DLG1: variants seen among roughly 807,000 people sequenced by gnomAD.
The protein encoded by DLG1 is disks large homolog 1.
DLG1 carries 42 observed loss-of-function variants against 123.4 expected under a neutral mutation model. The ratio of observed to expected loss-of-function variants is 0.34; its 90% CI spans 0.27 to 0.44. The LOEUF (loss-of-function observed/expected upper bound fraction) is 0.44. DLG1 is among the 20% of genes least tolerant of loss of function. The probability of loss-of-function intolerance (pLI) is 1.00; values close to 1 mark genes in which losing one functional copy is unlikely to be tolerated. For missense variants in DLG1, 942 were observed against 1,082.6 expected, an observed-to-expected ratio of 0.87 and a Z score of 1.82; for synonymous variants, 317 against 356.2, an observed-to-expected ratio of 0.89 and a Z score of 1.24.
chr3:197,276,027 T>G (rs1766254320), intron 4 of DLG1, among the ~76,000 whole-genome samples: 1 of 152,032 alleles, frequency 6.6e-6, no homozygotes, highest in African/African-American at 2.4e-5. Flanking sequence ...TTTAAAAGAG[T>G]ACTATTGAAA....
intron 5 of DLG1, among the ~76,000 whole-genome samples, chr3:197,160,317 C>T (rs1029127586): frequency 2.7e-5 from 4 of 149,516 alleles, no homozygotes; most frequent in Admixed American, 2.0e-4. Flanking sequence ...ACTATTTTAA[C>T]ACCAAAAAAT....
intron 3 of DLG1, among the ~76,000 whole-genome samples, chr3:197,291,790 C>T (rs926423702): frequency 1.3e-5 from 2 of 152,164 alleles, no homozygotes; most frequent in African/African-American, 2.4e-5. Context: ...ACAGTACAAA[C>T]ACCTCATACA....
At chr3:197,280,702 G>T (rs1244505876) in intron 4 of DLG1, among the ~76,000 whole-genome samples, 1 of 152,068 alleles carries the variant, frequency 6.6e-6, no homozygotes, top group African/African-American at 2.4e-5. Flanking sequence ...TTATAATCAA[G>T]GGTATCATAA....
Position 197,296,593 on chromosome 3 carries a change from T to C in DLG1, c.20-116A>G, listed in dbSNP as rs1277838650. The C allele has an allele frequency of 1.5e-5, 13 of 872,864 alleles. 1 individual carries two copies. In the Admixed American group the frequency reaches 1.7e-4, roughly 12 times the overall value. 54.1% of individuals were successfully genotyped at this position (872,864 alleles called of 1,614,324 possible). A position where few individuals can be genotyped will look rare whatever the true frequency, so the allele number is the denominator to read the frequency against. On this transcript the variant is annotated intron_variant, in intron 2 of 24. Coordinates refer to ENST00000667157, the MANE Select transcript of DLG1 (RefSeq NM_001366207.1). ...TAGTTCCGCAAATCCTTCAGGTCAA[T>C]TGATGTCACTATGTTCATGTACACA...
chr3:197,176,065 C>G (rs1034550493), intron 5 of DLG1, among the ~76,000 whole-genome samples: 10 of 152,216 alleles, frequency 6.6e-5, no homozygotes, highest in Admixed American at 6.5e-4. Context: ...AGACACTATA[C>G]AGAAGCTACA....
chr3:197,261,524 CAA>C (rs1410453343), intron 4 of DLG1, among the ~76,000 whole-genome samples: 1 of 152,188 alleles, frequency 6.6e-6, no homozygotes, highest in Non-Finnish European at 1.5e-5. Context: ...TTTTTGTCCA[CAA>C]AGTTTCCTCA....
intron 1 of DLG1, 56 bp downstream of exon 1, chr3:197,298,480 C>T (rs1778561221): frequency 2.5e-6 from 1 of 398,744 alleles, no homozygotes; most frequent in Non-Finnish European, 4.4e-6. Context: ...CGGGAAGGCT[C>T]GGGCTGTCTG....
At chr3:197,108,497 A>G (rs778345320) in intron 13 of DLG1, among the ~76,000 whole-genome samples, 47 of 152,038 alleles carry the variant, frequency 3.1e-4, no homozygotes, top group Admixed American at 2.4e-3. Flanking sequence ...AAAATTCTCT[A>G]TTTCTTCTTG....
intron 18 of DLG1, among the ~76,000 whole-genome samples, chr3:197,071,753 A>G (rs1179441579): frequency 1.3e-5 from 2 of 152,198 alleles, no homozygotes; most frequent in Non-Finnish European, 2.9e-5. Context: ...TCTGCCATCC[A>G]CCAGAATGGC....
chr3:197,137,193 C>T (rs1785463313), intron 9 of DLG1, among the ~76,000 whole-genome samples: 1 of 152,142 alleles, frequency 6.6e-6, no homozygotes. Flanking sequence ...TTTCTCAGCT[C>T]TCCATTCCTT....
At chr3:197,266,256 T>C (rs1031069794) in intron 4 of DLG1, among the ~76,000 whole-genome samples, 2 of 151,452 alleles carry the variant, frequency 1.3e-5, no homozygotes, top group South Asian at 2.1e-4. Flanking sequence ...AGAAAAAAAA[T>C]CAATCAATAA....
intron 4 of DLG1, among the ~76,000 whole-genome samples, chr3:197,212,220 A>T (rs1469096211): frequency 2.1e-5 from 3 of 146,322 alleles, no homozygotes; most frequent in Non-Finnish European, 4.6e-5. Context: ...TAAAAGTTTT[A>T]AAAAACAAAC....
rs779459646 is a variant in DLG1 at position 197,044,727 on chromosome 3, T to C, written c.2578A>G (p.Ile860Val). The change falls in exon 25 of 25, where the codon ATT becomes GTT. Residue 860 changes from isoleucine (I) to valine (V), a missense_variant and splice_region_variant. By Grantham distance (29) the Ile-to-Val change is conservative (BLOSUM62 3). Transcript: ENST00000667157. ...EQEFTEHFTAIVQGDTLEDIY... is the reference protein window; with the variant it reads ...EQEFTEHFTAVVQGDTLEDIY... Reference sequence around the variant, plus strand: ...TCTTCCAGCGTATCCCCCTGTACAATAGCTGTAATGATAGAAACAAAATCA... The same window carrying C: ...TCTTCCAGCGTATCCCCCTGTACAACAGCTGTAATGATAGAAACAAAATCA... The C allele has an allele frequency of 6.5e-6, 10 of 1,537,876 alleles. No homozygotes were observed. The highest frequency in any genetic ancestry group is 2.8e-5 in the African/African-American group (2 of 72,180).
intron 7 of DLG1, among the ~76,000 whole-genome samples, chr3:197,142,301 C>T (rs368193395): frequency 1.5e-4 from 23 of 152,100 alleles, no homozygotes; most frequent in Admixed American, 1.2e-3. Flanking sequence ...GATAACTAAA[C>T]GTAATGTAGT....
intron 4 of DLG1, among the ~76,000 whole-genome samples, chr3:197,222,314 C>T (rs573810517): frequency 6.6e-6 from 1 of 152,260 alleles, no homozygotes; most frequent in African/African-American, 2.4e-5. Context: ...AGAGCTGCAA[C>T]AGACATCTTT....
chr3:197,210,168 A>AAATCT lies in DLG1; in HGVS notation c.319-15584_319-15580dup, dbSNP rs1262888703. 1.4e-5 allele frequency among the ~76,000 whole-genome samples: 2 copies of AAATCT among 145,766 alleles called. 1 individual carries two copies. Among genetic ancestry groups the AAATCT allele is most frequent in the Non-Finnish European group, 3.1e-5 (2 of 64,952 alleles). ...ACAAACTTTACAAGTACTTAAAAGG[A>AAATCT]AATCTGTAGCTTTAACTGCTTACAT... On this transcript the variant is annotated intron_variant, in intron 4 of 24. Coordinates refer to ENST00000667157, the MANE Select transcript of DLG1 (RefSeq NM_001366207.1).
intron 23 of DLG1, among the ~76,000 whole-genome samples, chr3:197,059,077 G>A (rs923886618): frequency 2.6e-5 from 4 of 152,022 alleles, no homozygotes; most frequent in African/African-American, 4.8e-5. Context: ...AGGTGCCCGC[G>A]ACCACGCCCG....
At chr3:197,245,044 G>C (rs1203741757) in intron 4 of DLG1, among the ~76,000 whole-genome samples, 2 of 152,162 alleles carry the variant, frequency 1.3e-5, no homozygotes, top group Non-Finnish European at 2.9e-5. Context: ...CCTTTAATAA[G>C]GCAATAGGAA....
Position 197,119,465 on chromosome 3 carries a change from G to C in DLG1, c.1231C>G (p.Pro411Ala). 1 of 1,611,832 alleles carries C rather than the reference G, an allele frequency of 6.2e-7. No homozygotes were observed. Among genetic ancestry groups the C allele is most frequent in the South Asian group, 1.1e-5 (1 of 90,984 alleles). ...SSFLGQTPAS[P>A]ARYSPVSKAV... ...TTAGAAACTGGGGAGTATCTGGCTG[G>C]AGATGCTGGTGTCTGGCCCAAGAAG... Residue 411 changes from proline to alanine, a missense_variant, in exon 12 of 25, where the codon CCA becomes GCA. Transcript: ENST00000667157.
Sources: gnomAD v4.1 joint callset for allele counts (sites outside exome capture counted in the v4.1 genomes callset) on GRCh38, gnomAD v4.1.1 for gene constraint, MANE v1.5 for transcripts, NCBI Gene and HGNC (gene_info 2026-07-23, HGNC 2026-07-21) for gene names.